The following SCIN variants were observed in gnomAD, a reference collection of about 807,000 sequenced individuals.
SCIN encodes scinderin, also known as adseverin.
In SCIN, 91 loss-of-function variants were observed where a neutral mutation model predicts 91.8. The observed-to-expected ratio is 0.99, with a 90% confidence interval of 0.84 to 1.18. SCIN has a LOEUF of 1.18. SCIN is among the 50% of genes most tolerant of loss of function. SCIN has a pLI of 0.00. For synonymous variants in SCIN, 367 were observed against 312.6 expected (o/e 1.17, Z -1.84); for missense variants, 1,087 against 863.9 (o/e 1.26, Z -3.24).
intron 10 of SCIN, among the ~76,000 whole-genome samples, chr7:12,637,013 C>G (rs187073352): frequency 0.023 from 3,481 of 152,198 alleles, 54 homozygotes; most frequent in Non-Finnish European, 0.036. Context: ...TTCCTAGAGC[C>G]TCTGGAAAGG....
chr7:12,608,475 T>G (rs945851907), intron 4 of SCIN, among the ~76,000 whole-genome samples: 2 of 152,024 alleles, frequency 1.3e-5, no homozygotes, highest in African/African-American at 4.8e-5. Flanking sequence ...AATTGAGGTT[T>G]TATTTATTTA....
intron 13 of SCIN, among the ~76,000 whole-genome samples, chr7:12,646,382 G>T (rs114138970): frequency 6.6e-6 from 1 of 152,068 alleles, no homozygotes; most frequent in Non-Finnish European, 1.5e-5. Flanking sequence ...AGCTCTAGTC[G>T]TGTTCTTTCC....
chr7:12,633,636 G>T (rs970662398), intron 9 of SCIN, among the ~76,000 whole-genome samples: 1 of 152,212 alleles, frequency 6.6e-6, no homozygotes, highest in Admixed American at 6.5e-5. Context: ...GAAGACAAAA[G>T]TTAGGTAATA....
rs1420558505 is a variant in SCIN, at chr7:12,622,861, A to C, written c.727A>C (p.Ile243Leu). 1 of 1,613,118 alleles carries C rather than the reference A, an allele frequency of 6.2e-7. No individual in the cohort carries two copies. Among genetic ancestry groups the C allele is most frequent in the East Asian group, 2.2e-5 (1 of 44,840 alleles). ...GGDDDDIIAD[I>L]SNRKMAKLYM... ...TGATGATGATGACATTATAGCAGAC[A>C]TAAGTAACAGGAAAATGGCTAAACT... The change falls in exon 5 of 16, where the codon ATA (isoleucine) becomes CTA (leucine). Residue 243 changes from isoleucine (I) to leucine (L), a missense_variant. Coordinates refer to ENST00000297029, the MANE Select transcript of SCIN (RefSeq NM_001112706.3).
chr7:12,625,173 C>T (rs1196047719), intron 6 of SCIN, 31 bp downstream of exon 6: 15 of 1,580,824 alleles, frequency 9.5e-6, no homozygotes, highest in Non-Finnish European at 1.3e-5. Context: ...TGCTGTATTT[C>T]AGATTTATAG....
At chr7:12,616,934 G>A (rs572626432) in intron 4 of SCIN, among the ~76,000 whole-genome samples, 1 of 152,142 alleles carries the variant, frequency 6.6e-6, no homozygotes, top group South Asian at 2.1e-4. Flanking sequence ...GCCTGGAGAG[G>A]GATATACAGG....
intron 2 of SCIN, among the ~76,000 whole-genome samples, chr7:12,578,973 T>C (rs1160988857): frequency 6.9e-6 from 1 of 144,178 alleles, no homozygotes; most frequent in African/African-American, 2.6e-5. Flanking sequence ...TCACCATTCC[T>C]GCCACTCACC....
intron 8 of SCIN, 25 bp downstream of exon 8, chr7:12,626,824 C>G: frequency 6.4e-7 from 1 of 1,569,808 alleles, no homozygotes; most frequent in Non-Finnish European, 8.7e-7. Flanking sequence ...TTGTTTTTAT[C>G]AAGCCCATTA....
intron 3 of SCIN, among the ~76,000 whole-genome samples, chr7:12,587,785 G>C (rs1782620503): frequency 6.6e-6 from 1 of 152,074 alleles, no homozygotes; most frequent in South Asian, 2.1e-4. Context: ...TGATTGCTTT[G>C]GGTTAGATTT....
intron 3 of SCIN, among the ~76,000 whole-genome samples, chr7:12,585,050 C>A (rs1023403330): frequency 6.6e-6 from 1 of 152,092 alleles, no homozygotes; most frequent in Non-Finnish European, 1.5e-5. Context: ...TTACCCTGTT[C>A]TCCTCACTAT....
chr7:12,603,151 A>C (rs1782992644), intron 3 of SCIN, among the ~76,000 whole-genome samples: 1 of 147,904 alleles, frequency 6.8e-6, no homozygotes, highest in African/African-American at 2.5e-5. Context: ...AGCACATTTA[A>C]TTTTTTTTTT....
intron 4 of SCIN, among the ~76,000 whole-genome samples, chr7:12,622,250 T>C (rs897844315): frequency 1.3e-5 from 2 of 152,134 alleles, no homozygotes; most frequent in Non-Finnish European, 2.9e-5. Flanking sequence ...ACACTTACTC[T>C]GCGTATACTA....
chr7:12,652,540 G>A, intron 15 of SCIN, 48 bp from the exon 16 acceptor site: 1 of 1,574,018 alleles, frequency 6.4e-7, no homozygotes, highest in Non-Finnish European at 8.6e-7. Flanking sequence ...AGTTACTTTA[G>A]TTTAACCCAA....
Position 12,625,119 on chromosome 7 carries a change from C to A in SCIN, c.869C>A (p.Ala290Asp). Residue 290 changes from alanine (A) to aspartate (D), a missense_variant, in exon 6 of 16, where the codon GCC (alanine) becomes GAC (aspartate). Ala to Asp is a moderately radical substitution (Grantham distance 126). Coordinates refer to ENST00000297029, the MANE Select transcript of SCIN (RefSeq NM_001112706.3). ...EECFILDHGAAKQIFVWKGKD... is the reference protein window; with the variant it reads ...EECFILDHGADKQIFVWKGKD... Reference sequence around the variant, plus strand: ...TGCTTTATTTTGGACCACGGGGCTGCCAAACAAATTTTCGTATGGAAAGGT... The same window carrying A: ...TGCTTTATTTTGGACCACGGGGCTGACAAACAAATTTTCGTATGGAAAGGT... 6.2e-7 allele frequency: 1 copy of A among 1,607,528 alleles called. No homozygotes were observed.
Position 12,571,087 on chromosome 7 carries a change from C to G in SCIN, c.199+102C>G, listed in dbSNP as rs983902224. 93 of 1,262,412 alleles carry G rather than the reference C, an allele frequency of 7.4e-5. 1 individual carries two copies. In the African/African-American group the frequency reaches 1.3e-3, roughly 17 times the overall value. 78.2% of individuals were successfully genotyped at this position (1,262,412 alleles called of 1,614,324 possible). A position where few individuals can be genotyped will look rare whatever the true frequency, so the allele number is the denominator to read the frequency against. ...GCGTGGGAGTAAAGGGGACCGCAAACTGAGCTAGCCACTCGCGCCCCCACG... is the reference window on the plus strand; with the variant it reads ...GCGTGGGAGTAAAGGGGACCGCAAAGTGAGCTAGCCACTCGCGCCCCCACG... On this transcript the variant is annotated intron_variant, in intron 1 of 15. Transcript: ENST00000297029.
At position 12,626,590 on chromosome 7, in the gene SCIN, G is replaced by T. The variant is rs532577321; in HGVS notation, c.988G>T (p.Val330Phe). ...MNYSKNTQIQ[V>F]LPEGGETPIF... is the part of the protein sequence containing the mutation. ...TTATTATTTTAAATTTCAGATTCAA[G>T]TTCTTCCAGAAGGAGGTGAAACACC... The change falls in exon 8 of 16, where the codon GTT becomes TTT. Residue 330 changes from valine to phenylalanine, a missense_variant. Transcript: ENST00000297029. 6.5e-6 allele frequency: 10 copies of T among 1,541,230 alleles called. No individual in the cohort carries two copies. The Admixed American group carries it at 1.2e-4, about 18-fold the overall frequency.
chr7:12,582,573 C>T (rs1782509084), intron 3 of SCIN, among the ~76,000 whole-genome samples: 2 of 151,580 alleles, frequency 1.3e-5, no homozygotes, highest in Non-Finnish European at 1.5e-5. Flanking sequence ...CTTAATATTA[C>T]ACGTAGACAT....
chr7:12,595,352 CG>C (rs1409271390), intron 3 of SCIN, among the ~76,000 whole-genome samples: 1 of 152,068 alleles, frequency 6.6e-6, no homozygotes, highest in Admixed American at 6.5e-5. Flanking sequence ...CCACGTTTCT[CG>C]TGACCTCCCC....
chr7:12,614,880 G>A (rs1316250044), intron 4 of SCIN, among the ~76,000 whole-genome samples: 5 of 152,144 alleles, frequency 3.3e-5, no homozygotes, highest in Non-Finnish European at 7.4e-5. Flanking sequence ...AGAAGACTTA[G>A]AGCTTTAAGA....
Sources: allele counts gnomAD v4.1 joint callset (sites outside exome capture counted in the v4.1 genomes callset), GRCh38; gene constraint gnomAD v4.1.1; transcripts MANE v1.5; gene names NCBI Gene and HGNC (gene_info 2026-07-23, HGNC 2026-07-21).